Variants in SNTB1 observed in about 807,000 individuals in gnomAD.
SNTB1 encodes the protein beta-1-syntrophin.
SNTB1 carries 36 observed loss-of-function variants against 48.9 expected under a neutral mutation model. That is an observed-to-expected ratio of 0.74 (90% CI 0.56 to 0.97). The LOEUF (loss-of-function observed/expected upper bound fraction) is 0.97, where lower values mean the gene tolerates loss of function less well. SNTB1 is among the 50% of genes least tolerant of loss of function. SNTB1 has a pLI of 0.00. For synonymous variants in SNTB1, 299 were observed against 294.6 expected (o/e 1.01, Z -0.15); for missense variants, 786 against 703.4 (o/e 1.12, Z -1.33).
intron 1 of SNTB1, among the ~76,000 whole-genome samples, chr8:120,794,802 A>G (rs28556881): frequency 0.013 from 1,915 of 151,956 alleles, 40 homozygotes; most frequent in African/African-American, 0.044. Flanking sequence ...TAGAGAAGGA[A>G]CCACACCTTC....
chr8:120,552,452 G>A (rs545197842), intron 4 of SNTB1, among the ~76,000 whole-genome samples: 1 of 152,224 alleles, frequency 6.6e-6, no homozygotes, highest in Admixed American at 6.5e-5. Flanking sequence ...TCCACCTCCT[G>A]GGTTCAAGCG....
At chr8:120,742,817 A>G (rs1255140272) in intron 1 of SNTB1, among the ~76,000 whole-genome samples, 6 of 152,144 alleles carry the variant, frequency 3.9e-5, no homozygotes, top group Non-Finnish European at 1.5e-5. Flanking sequence ...TCTAAACACT[A>G]AACTAGGGCT....
At chr8:120,576,506 C>T (rs58342310) in intron 3 of SNTB1, among the ~76,000 whole-genome samples, 30,824 of 152,086 alleles carry the variant, frequency 0.2, 3,236 homozygotes, top group Middle Eastern at 0.3. Context: ...GAATGATGTA[C>T]GACTTGAGTT....
At chr8:120,753,501 C>T (rs115773216) in intron 1 of SNTB1, among the ~76,000 whole-genome samples, 235 of 152,234 alleles carry the variant, frequency 1.5e-3, no homozygotes, top group African/African-American at 5.4e-3. Context: ...TTCTCAATAG[C>T]ACTACTGTGT....
At chr8:120,643,343 G>C (rs1447120720) in intron 2 of SNTB1, among the ~76,000 whole-genome samples, 1 of 152,224 alleles carries the variant, frequency 6.6e-6, no homozygotes, top group Admixed American at 6.5e-5. Flanking sequence ...CTTTAGTGGT[G>C]ATGTCTGAGA....
chr8:120,802,320 A>T (rs563998693), intron 1 of SNTB1, among the ~76,000 whole-genome samples: 1 of 152,308 alleles, frequency 6.6e-6, no homozygotes, highest in South Asian at 2.1e-4. Flanking sequence ...TCAAACTTTC[A>T]AAGAAGTTTG....
chr8:120,778,695 C>T (rs1819780496), intron 1 of SNTB1, among the ~76,000 whole-genome samples: 1 of 152,172 alleles, frequency 6.6e-6, no homozygotes, highest in African/African-American at 2.4e-5. Context: ...TCATTGCCAT[C>T]AAGAGTCCCT....
In SNTB1 at chr8:120,715,884, T is replaced by C. The variant is rs149143747; in HGVS notation, c.572-21976A>G. 1.8e-3 allele frequency among the ~76,000 whole-genome samples: 268 copies of C among 152,298 alleles called. 3 individuals carry two copies. In the East Asian group the frequency reaches 0.044, roughly 25 times the overall value. Reference sequence around the variant, plus strand: ...GTAAAAAAGCCAAACCTCTAACTCATCAGGGAACTGGAGATTCTGGAGGAG... The same window carrying C: ...GTAAAAAAGCCAAACCTCTAACTCACCAGGGAACTGGAGATTCTGGAGGAG... On this transcript the variant is annotated intron_variant, in intron 1 of 6. Coordinates refer to ENST00000517992, the MANE Select transcript of SNTB1 (RefSeq NM_021021.4).
chr8:120,642,633 C>T (rs568546357), intron 2 of SNTB1, among the ~76,000 whole-genome samples: 1 of 152,262 alleles, frequency 6.6e-6, no homozygotes, highest in African/African-American at 2.4e-5. Context: ...AAATTCCAGG[C>T]CAGCCACAGT....
chr8:120,577,714 T>C lies in SNTB1; in HGVS notation c.997-2489A>G, dbSNP rs144929277. On this transcript the variant is annotated intron_variant, in intron 3 of 6. Coordinates refer to ENST00000517992, the MANE Select transcript of SNTB1 (RefSeq NM_021021.4). ...TCATTCTTCAAAAACAATATTAAGT[T>C]TGAAAATAAGACTCAACAGTAAATA... Among the ~76,000 whole-genome samples, 7 of 152,272 alleles carry C rather than the reference T, an allele frequency of 4.6e-5. No homozygotes were observed. In the East Asian group the frequency reaches 1.3e-3, roughly 29 times the overall value.
At chr8:120,589,511 T>C (rs983902858) in intron 3 of SNTB1, among the ~76,000 whole-genome samples, 2 of 152,216 alleles carry the variant, frequency 1.3e-5, no homozygotes, top group Admixed American at 6.5e-5. Flanking sequence ...CTGGCTGCTA[T>C]AACAAATTAC....
chr8:120,666,825 T>A (rs181079015), intron 2 of SNTB1, among the ~76,000 whole-genome samples: 42 of 152,258 alleles, frequency 2.8e-4, no homozygotes, highest in African/African-American at 8.9e-4. Context: ...TTACTAGGTA[T>A]TTTTTGCTAT....
At chr8:120,654,269 G>A (rs1040542748) in intron 2 of SNTB1, among the ~76,000 whole-genome samples, 1 of 151,844 alleles carries the variant, frequency 6.6e-6, no homozygotes, top group Non-Finnish European at 1.5e-5. Context: ...GCTGGCTGAT[G>A]AGCCCTACAT....
At chr8:120,608,813 T>C (rs962863564) in intron 3 of SNTB1, among the ~76,000 whole-genome samples, 1 of 152,138 alleles carries the variant, frequency 6.6e-6, no homozygotes, top group African/African-American at 2.4e-5. Flanking sequence ...GAGTACTTTA[T>C]GAAGAAGGAA....
chr8:120,558,493 C>G (rs1397315712), intron 4 of SNTB1, among the ~76,000 whole-genome samples: 1 of 152,174 alleles, frequency 6.6e-6, no homozygotes, highest in African/African-American at 2.4e-5. Flanking sequence ...AACACATTCC[C>G]ATGGTTGGAA....
intron 1 of SNTB1, among the ~76,000 whole-genome samples, chr8:120,745,098 A>T (rs1819104221): frequency 6.6e-6 from 1 of 151,784 alleles, no homozygotes; most frequent in Non-Finnish European, 1.5e-5. Context: ...ATGTGGAAAA[A>T]AAGAGGTCTC....
At chr8:120,559,146 A>G (rs1161142211) in intron 4 of SNTB1, among the ~76,000 whole-genome samples, 1 of 152,226 alleles carries the variant, frequency 6.6e-6, no homozygotes, top group African/African-American at 2.4e-5. Context: ...AGATTAATTC[A>G]GCCCTGAAAA....
At chr8:120,616,303 T>TTC (rs1816713402) in intron 3 of SNTB1, among the ~76,000 whole-genome samples, 1 of 149,586 alleles carries the variant, frequency 6.7e-6, no homozygotes, top group Non-Finnish European at 1.5e-5. Context: ...GCTTGATTTT[T>TTC]TTTTTTTTTT....
At chr8:120,572,892 G>C (rs558052551) in intron 4 of SNTB1, among the ~76,000 whole-genome samples, 12 of 152,288 alleles carry the variant, frequency 7.9e-5, no homozygotes, top group Non-Finnish European at 1.5e-4. Flanking sequence ...TCCAGACTGG[G>C]TGACAAGAGT....
Sources: gnomAD v4.1 joint callset for allele counts (sites outside exome capture counted in the v4.1 genomes callset) on GRCh38, gnomAD v4.1.1 for gene constraint, MANE v1.5 for transcripts, NCBI Gene and HGNC (gene_info 2026-07-23, HGNC 2026-07-21) for gene names.